Variants in HSD17B2 observed in about 807,000 individuals in gnomAD.
HSD17B2 encodes hydroxysteroid 17-beta dehydrogenase 2, also known as 17-beta-hydroxysteroid dehydrogenase type 2.
HSD17B2 carries 32 observed loss-of-function variants against 26.9 expected under a neutral mutation model. That is an observed-to-expected ratio of 1.19 (90% CI 0.90 to 1.60). The LOEUF is 1.60. Among genes scored for constraint, HSD17B2 ranks in the 40% most tolerant of loss-of-function variants. The pLI is 0.00. For synonymous variants in HSD17B2, 246 were observed against 186.7 expected (o/e 1.32, Z -2.59); for missense variants, 613 against 468.6 (o/e 1.31, Z -2.85).
rs138609645 is a variant in HSD17B2 at position 82,090,906 on chromosome 16, G to T, written c.669G>T (p.Gly223=). The T allele has an allele frequency of 1.2e-6, 2 of 1,610,498 alleles. No homozygotes were observed. The highest frequency in any genetic ancestry group is 1.7e-6 in the Non-Finnish European group (2 of 1,178,556). ...TTTCTCCCATTATTCCCATAGGAGG[G>T]GCCCCAATGGAAAGGCTGGCATCTT... ...RLVNVSSMGG[G]APMERLASYG... The change falls in exon 4 of 5, where the codon GGG becomes GGT. Residue 223 remains glycine, a synonymous_variant. Coordinates refer to ENST00000199936, the MANE Select transcript of HSD17B2 (RefSeq NM_002153.3).
At chr16:82,083,435 C>G (rs1421180446) in intron 3 of HSD17B2, among the ~76,000 whole-genome samples, 1 of 152,116 alleles carries the variant, frequency 6.6e-6, no homozygotes, top group Non-Finnish European at 1.5e-5. Flanking sequence ...AACTGCGTGA[C>G]CTTGGGAACA....
At chr16:82,059,424 T>G (rs941331859) in intron 1 of HSD17B2, among the ~76,000 whole-genome samples, 1 of 152,234 alleles carries the variant, frequency 6.6e-6, no homozygotes, top group Non-Finnish European at 1.5e-5. Flanking sequence ...CAATCCTGGC[T>G]GAAGTTTGGA....
At chr16:82,074,088 C>A (rs1163250851) in intron 3 of HSD17B2, among the ~76,000 whole-genome samples, 1 of 152,110 alleles carries the variant, frequency 6.6e-6, no homozygotes. Flanking sequence ...CTGAAAAAAA[C>A]AAGCAATGGG....
At chr16:82,056,142 A>G (rs1914259938) in intron 1 of HSD17B2, among the ~76,000 whole-genome samples, 1 of 152,222 alleles carries the variant, frequency 6.6e-6, no homozygotes, top group African/African-American at 2.4e-5. Context: ...GTTGGCAAGA[A>G]TGACATCCTG....
chr16:82,081,591 A>C (rs1904382115), intron 3 of HSD17B2, among the ~76,000 whole-genome samples: 1 of 152,204 alleles, frequency 6.6e-6, no homozygotes, highest in Non-Finnish European at 1.5e-5. Context: ...AGAGTGGACA[A>C]ATAAGCAGAG....
chr16:82,089,332 A>G lies in HSD17B2; in HGVS notation c.665-1570A>G, dbSNP rs8191206. On this transcript the variant is annotated intron_variant, in intron 3 of 4. Coordinates refer to ENST00000199936, the MANE Select transcript of HSD17B2 (RefSeq NM_002153.3). ...TTTTATGGCTGAGTTGTGTTCCATC[A>G]TATGGCTGGACTACAGTTTGCTTAT... 3.3e-4 allele frequency among the ~76,000 whole-genome samples: 51 copies of G among 152,290 alleles called. 4 individuals carry two copies. The East Asian group carries it at 9.7e-3, about 29-fold the overall frequency.
chr16:82,083,964 C>G (rs1235326920), intron 3 of HSD17B2, among the ~76,000 whole-genome samples: 1 of 152,176 alleles, frequency 6.6e-6, no homozygotes, highest in East Asian at 1.9e-4. Context: ...GAAAATCTTT[C>G]TCTTTGAGGC....
At chr16:82,080,772 C>A (rs972032440) in intron 3 of HSD17B2, among the ~76,000 whole-genome samples, 4 of 152,152 alleles carry the variant, frequency 2.6e-5, no homozygotes, top group Non-Finnish European at 4.4e-5. Flanking sequence ...TAATTCAGGT[C>A]TCCATGAACA....
intron 1 of HSD17B2, among the ~76,000 whole-genome samples, chr16:82,062,259 G>C (rs1036326295): frequency 6.6e-6 from 1 of 152,124 alleles, no homozygotes; most frequent in South Asian, 2.1e-4. Flanking sequence ...AGTAGTCATT[G>C]CCTGTCCCAA....
chr16:82,070,405 C>A (rs1317625624), intron 2 of HSD17B2, among the ~76,000 whole-genome samples: 1 of 152,216 alleles, frequency 6.6e-6, no homozygotes, highest in African/African-American at 2.4e-5. Flanking sequence ...TATCCCAATG[C>A]CCTCCTTGCA....
At chr16:82,090,302 G>GCTTTTTT (rs1904647934) in intron 3 of HSD17B2, 1 of 40,068 alleles carries the variant, frequency 2.5e-5, no homozygotes, top group Non-Finnish European at 4.1e-5. Flanking sequence ...AAACTACATT[G>GCTTTTTT]TTTTTTTTTT....
rs539724357 is a variant in HSD17B2 at position 82,098,137 on chromosome 16, G to A, written c.865G>A (p.Ala289Thr). 18 of 1,613,784 alleles carry A rather than the reference G, an allele frequency of 1.1e-5. No homozygotes were observed. Among genetic ancestry groups the A allele is most frequent in the East Asian group, 6.7e-5 (3 of 44,876 alleles). ...GAAGGACATTCTGGACCACCTCCCCGCTGAGGTACAGGAAGACTACGGCCA... is the reference window on the plus strand; with the variant it reads ...GAAGGACATTCTGGACCACCTCCCCACTGAGGTACAGGAAGACTACGGCCA... ...LEKDILDHLP[A>T]EVQEDYGQDY... The change falls in exon 5 of 5, where the codon GCT becomes ACT. Residue 289 changes from alanine (A) to threonine (T), a missense_variant. Transcript: ENST00000199936.
intron 1 of HSD17B2, among the ~76,000 whole-genome samples, chr16:82,043,775 G>A (rs1447028077): frequency 2.6e-5 from 4 of 150,974 alleles, no homozygotes; most frequent in Non-Finnish European, 5.9e-5. Flanking sequence ...ACCATTTTCA[G>A]GATCATCCCA....
chr16:82,090,194 C>T, intron 3 of HSD17B2: 1 of 979,658 alleles, frequency 1.0e-6, no homozygotes, highest in Non-Finnish European at 1.2e-6. Flanking sequence ...AGTGGACCCT[C>T]CTCCCCACAA....
At chr16:82,086,660 C>T (rs772456951) in intron 3 of HSD17B2, among the ~76,000 whole-genome samples, 13 of 152,292 alleles carry the variant, frequency 8.5e-5, no homozygotes, top group Non-Finnish European at 1.5e-4. Context: ...GTGCAGTCTA[C>T]GTCTAGGAAG....
intron 3 of HSD17B2, among the ~76,000 whole-genome samples, chr16:82,077,128 A>T (rs1426826508): frequency 6.6e-6 from 1 of 152,218 alleles, no homozygotes; most frequent in Admixed American, 6.5e-5. Context: ...TCCATATCCA[A>T]ATACCAATGA....
intron 3 of HSD17B2, among the ~76,000 whole-genome samples, chr16:82,077,020 A>T (rs1904306019): frequency 1.3e-5 from 2 of 152,238 alleles, no homozygotes; most frequent in African/African-American, 4.8e-5. Context: ...ATTGAAGAGG[A>T]CACAAAAGAT....
At chr16:82,041,495 G>C (rs1019084260) in intron 1 of HSD17B2, among the ~76,000 whole-genome samples, 2 of 152,118 alleles carry the variant, frequency 1.3e-5, no homozygotes, top group African/African-American at 4.8e-5. Flanking sequence ...ATGCTGATTT[G>C]GTTCTAAGCG....
intron 3 of HSD17B2, among the ~76,000 whole-genome samples, chr16:82,086,806 C>A (rs1206599945): frequency 1.3e-5 from 2 of 152,190 alleles, no homozygotes; most frequent in Non-Finnish European, 2.9e-5. Context: ...TTTATTTTCT[C>A]ACAGTTATGC....
Sources: gnomAD v4.1 joint callset for allele counts (sites outside exome capture counted in the v4.1 genomes callset) on GRCh38, gnomAD v4.1.1 for gene constraint, MANE v1.5 for transcripts, NCBI Gene and HGNC (gene_info 2026-07-23, HGNC 2026-07-21) for gene names.